The following L3MBTL3 variants were observed in gnomAD, a reference collection of about 807,000 sequenced individuals.
L3MBTL3 encodes lethal(3)malignant brain tumor-like protein 3.
L3MBTL3 carries 27 observed loss-of-function variants against 102.3 expected under a neutral mutation model. The ratio of observed to expected loss-of-function variants is 0.26; its 90% CI spans 0.19 to 0.36. L3MBTL3 has a LOEUF of 0.36. L3MBTL3 is among the 10% of genes least tolerant of loss of function. The pLI is 1.00. For missense variants in L3MBTL3, 798 were observed against 955.3 expected (o/e 0.84, Z 2.17); for synonymous variants, 340 against 320.9 (o/e 1.06, Z -0.64).
At chr6:130,099,705 G>A (rs1006444428) in intron 18 of L3MBTL3, among the ~76,000 whole-genome samples, 24 of 152,226 alleles carry the variant, frequency 1.6e-4, no homozygotes, top group African/African-American at 4.3e-4. Flanking sequence ...CTTGACCCAC[G>A]TTCTATAGGT....
intron 9 of L3MBTL3, among the ~76,000 whole-genome samples, chr6:130,059,370 T>A (rs138080985): frequency 4.5e-4 from 69 of 152,380 alleles, no homozygotes; most frequent in African/African-American, 1.6e-3. Context: ...TTGAAGATGC[T>A]TCTATCTGAG....
At chr6:130,125,736 G>T (rs761678526) in intron 20 of L3MBTL3, among the ~76,000 whole-genome samples, 5 of 152,136 alleles carry the variant, frequency 3.3e-5, no homozygotes, top group Non-Finnish European at 7.3e-5. Context: ...TGGCTGGGGT[G>T]GCCTGGGGTT....
chr6:130,097,348 A>G (rs905181824), intron 18 of L3MBTL3, among the ~76,000 whole-genome samples: 1 of 152,238 alleles, frequency 6.6e-6, no homozygotes, highest in Non-Finnish European at 1.5e-5. Context: ...AACTGCATGT[A>G]TCAAAACATG....
At chr6:130,030,535 C>T (rs902891035) in intron 2 of L3MBTL3, among the ~76,000 whole-genome samples, 32 of 151,856 alleles carry the variant, frequency 2.1e-4, no homozygotes, top group African/African-American at 3.4e-4. Flanking sequence ...GGCATGGTGG[C>T]GGGTGCCTGT....
intron 2 of L3MBTL3, among the ~76,000 whole-genome samples, chr6:130,026,416 G>A (rs983364230): frequency 1.3e-5 from 2 of 152,078 alleles, no homozygotes; most frequent in Non-Finnish European, 1.5e-5. Flanking sequence ...TATGATTGAT[G>A]TGTCTTTAGG....
intron 20 of L3MBTL3, among the ~76,000 whole-genome samples, chr6:130,131,537 C>T (rs1787039433): frequency 6.6e-6 from 1 of 152,130 alleles, no homozygotes; most frequent in Non-Finnish European, 1.5e-5. Flanking sequence ...GAAAGGGTCG[C>T]AGTCCAGACC....
At chr6:130,126,091 C>G (rs1786585783) in intron 20 of L3MBTL3, among the ~76,000 whole-genome samples, 1 of 151,332 alleles carries the variant, frequency 6.6e-6, no homozygotes, top group Admixed American at 6.6e-5. Flanking sequence ...CTCCCTCCCT[C>G]CTTACCTCTT....
intron 8 of L3MBTL3, 28 bp downstream of exon 8, chr6:130,055,283 T>A (rs891292722): frequency 1.3e-6 from 2 of 1,547,006 alleles, no homozygotes; most frequent in Non-Finnish European, 1.8e-6. Flanking sequence ...AAGTCTTACT[T>A]GTAACTTTAT....
At chr6:130,035,068 C>CA (rs1183848413) in intron 2 of L3MBTL3, among the ~76,000 whole-genome samples, 1 of 152,128 alleles carries the variant, frequency 6.6e-6, no homozygotes, top group Non-Finnish European at 1.5e-5. Flanking sequence ...GCATTAATAA[C>CA]AAATATTTTC....
Position 130,047,712 on chromosome 6 carries a change from CATTA to C in L3MBTL3, c.103-1563_103-1560del, listed in dbSNP as rs1780816051. ...GATTTTTTATCACATTCTTTAATAT[CATTA>C]ATTAATAATTATCATGGTAGTTTGT... On this transcript the variant is annotated intron_variant, in intron 3 of 22. Transcript: ENST00000361794. Among the ~76,000 whole-genome samples the C allele has an allele frequency of 2.0e-5, 3 of 152,176 alleles. No individual in the cohort carries two copies. In the South Asian group the frequency reaches 6.2e-4, roughly 32 times the overall value.
At chr6:130,066,286 G>GTATATATATATATATAAA (rs1554227525) in intron 10 of L3MBTL3, 67 bp from the exon 11 acceptor site, 50 of 387,722 alleles carry the variant, frequency 1.3e-4, no homozygotes, top group African/African-American at 8.4e-4. Flanking sequence ...TTATTTTTGT[G>GTATATATATATATATAAA]TATATATATA....
chr6:130,098,852 C>T (rs1049381746), intron 18 of L3MBTL3, among the ~76,000 whole-genome samples: 6 of 143,500 alleles, frequency 4.2e-5, no homozygotes, highest in African/African-American at 1.6e-4. Context: ...GAGCCTGCCT[C>T]GTGTGTTTTT....
At chr6:130,030,469 T>G (rs1779643576) in intron 2 of L3MBTL3, among the ~76,000 whole-genome samples, 1 of 151,826 alleles carries the variant, frequency 6.6e-6, no homozygotes, top group Non-Finnish European at 1.5e-5. Flanking sequence ...GAGACCATCC[T>G]GGCTAACACA....
intron 19 of L3MBTL3, 74 bp downstream of exon 19, chr6:130,104,649 T>C: frequency 9.1e-7 from 1 of 1,095,126 alleles, no homozygotes; most frequent in Non-Finnish European, 1.2e-6. Context: ...TTTAGATATT[T>C]TATTTCCTAT....
chr6:130,094,439 A>G (rs1371650068), intron 18 of L3MBTL3, 72 bp downstream of exon 18: 15 of 860,068 alleles, frequency 1.7e-5, no homozygotes, highest in East Asian at 5.8e-5. Context: ...TGAATTTCAT[A>G]TATACTAAAT....
chr6:130,067,745 A>G (rs549341740), intron 11 of L3MBTL3, among the ~76,000 whole-genome samples: 1 of 152,322 alleles, frequency 6.6e-6, no homozygotes, highest in South Asian at 2.1e-4. Context: ...ATTCGCAGAT[A>G]AAATAAGATG....
At chr6:130,094,858 T>C (rs1784266683) in intron 18 of L3MBTL3, among the ~76,000 whole-genome samples, 1 of 152,174 alleles carries the variant, frequency 6.6e-6, no homozygotes, top group Non-Finnish European at 1.5e-5. Flanking sequence ...CTCTTACCCC[T>C]AAGTAACTTT....
At position 130,036,305 on chromosome 6, in the gene L3MBTL3, GTCT is replaced by G. The variant is rs1392783791; in HGVS notation, c.-15-6375_-15-6373del. ...AAGAACAATCTGTTGTAGCCATTCA[GTCT>G]TCTTGTAATAATGAAAGTACCCATA... On this transcript the variant is annotated intron_variant, in intron 2 of 22. Coordinates refer to ENST00000361794, the MANE Select transcript of L3MBTL3 (RefSeq NM_032438.4). Among the ~76,000 whole-genome samples the G allele has an allele frequency of 2.0e-5, 3 of 152,264 alleles. No homozygotes were observed. The East Asian group carries it at 5.8e-4, about 29-fold the overall frequency.
intron 2 of L3MBTL3, among the ~76,000 whole-genome samples, chr6:130,026,824 A>G (rs1779383099): frequency 6.6e-6 from 1 of 152,142 alleles, no homozygotes; most frequent in Admixed American, 6.6e-5. Flanking sequence ...AGCATCAATC[A>G]ATGAAAGAAT....
Sources: gnomAD v4.1 joint callset for allele counts (sites outside exome capture counted in the v4.1 genomes callset) on GRCh38, gnomAD v4.1.1 for gene constraint, MANE v1.5 for transcripts, NCBI Gene and HGNC (gene_info 2026-07-23, HGNC 2026-07-21) for gene names.